Variants in SDK2 observed in about 807,000 individuals in gnomAD.
SDK2 encodes protein sidekick-2.
A neutral mutation model predicts 253.9 loss-of-function variants in SDK2; 105 were observed. That is an observed-to-expected ratio of 0.41 (90% CI 0.35 to 0.49). The LOEUF is 0.49. SDK2 is among the 20% of genes least tolerant of loss of function. The pLI, the probability that SDK2 is intolerant of heterozygous loss-of-function variation, is 0.06. For missense variants in SDK2, 2,608 were observed against 3,003.0 expected (o/e 0.87, Z 3.07); for synonymous variants, 1,249 against 1,234.9 (o/e 1.01, Z -0.24).
chr17:73,363,085 C>A (rs1264090644), intron 38 of SDK2, among the ~76,000 whole-genome samples: 3 of 152,132 alleles, frequency 2.0e-5, no homozygotes, highest in Non-Finnish European at 2.9e-5. Flanking sequence ...AAGTGGATTA[C>A]TAATATTATC....
chr17:73,398,941 C>A (rs1409967698), intron 22 of SDK2, among the ~76,000 whole-genome samples: 1 of 152,186 alleles, frequency 6.6e-6, no homozygotes, highest in East Asian at 1.9e-4. Context: ...TCTAGGCACC[C>A]CCCGACCCAG....
intron 1 of SDK2, among the ~76,000 whole-genome samples, chr17:73,621,512 A>T (rs1027778500): frequency 6.6e-6 from 1 of 152,204 alleles, no homozygotes. Flanking sequence ...AGCTGCTAAT[A>T]TATTTCATGC....
At chr17:73,514,790 T>G (rs906710423) in intron 1 of SDK2, among the ~76,000 whole-genome samples, 5 of 152,120 alleles carry the variant, frequency 3.3e-5, no homozygotes, top group African/African-American at 1.2e-4. Flanking sequence ...GGAGCTGGGA[T>G]TTCTAGACTC....
intron 42 of SDK2, 135 bp downstream of exon 42, chr17:73,350,515 C>T: frequency 7.1e-7 from 1 of 1,404,732 alleles, no homozygotes; most frequent in Non-Finnish European, 9.6e-7. Flanking sequence ...TGTGTAGAAA[C>T]CCTAGGCTGC....
At position 73,415,914 on chromosome 17, in the gene SDK2, C is replaced by T; in HGVS notation, c.2265G>A (p.Glu755=). ...TDADVNNLLL[E]DLIIWTNYEI... is the part of the protein sequence containing the mutation. ...CGTAGTTGGTCCAAATGATGAGATCCTCCAGCAGCAGGTTGTTCACATCAG... is the reference window on the plus strand; with the variant it reads ...CGTAGTTGGTCCAAATGATGAGATCTTCCAGCAGCAGGTTGTTCACATCAG... The change falls in exon 17 of 45, where the codon GAG becomes GAA. Residue 755 remains glutamate (E), a synonymous_variant. Coordinates refer to ENST00000392650, the MANE Select transcript of SDK2 (RefSeq NM_001144952.2). 6.2e-7 allele frequency: 1 copy of T among 1,608,856 alleles called. No individual in the cohort carries two copies. The highest frequency in any genetic ancestry group is 8.5e-7 in the Non-Finnish European group (1 of 1,177,872).
In SDK2 at chr17:73,481,730, G is replaced by A. The variant is rs1042575000; in HGVS notation, c.225-9512C>T. On this transcript the variant is annotated intron_variant, in intron 2 of 44. Coordinates refer to ENST00000392650, the MANE Select transcript of SDK2 (RefSeq NM_001144952.2). The surrounding 1 kb of genome is among the most constrained non-coding windows in gnomAD (Gnocchi z 4.5). ...TGCCCATCTTCTCCTGCCCTTGGAC[G>A]CTGGGGCTCCTGGTTCCCGGCCTGC... Among the ~76,000 whole-genome samples the A allele has an allele frequency of 2.6e-5, 4 of 152,146 alleles. No individual in the cohort carries two copies. The highest frequency in any genetic ancestry group is 4.8e-5 in the African/African-American group (2 of 41,428).
chr17:73,544,049 T>G (rs1299194034), intron 1 of SDK2, among the ~76,000 whole-genome samples: 1 of 152,210 alleles, frequency 6.6e-6, no homozygotes, highest in Non-Finnish European at 1.5e-5. Context: ...ACAGCATGTT[T>G]GGGACACAGG....
chr17:73,377,511 A>C (rs1304175262), intron 36 of SDK2, among the ~76,000 whole-genome samples: 1 of 151,462 alleles, frequency 6.6e-6, no homozygotes, highest in Non-Finnish European at 1.5e-5. Flanking sequence ...AGGCCACCAC[A>C]CCTGGCCCAT....
Position 73,405,498 on chromosome 17 carries a change from ATATATATATAT to A in SDK2, c.2485-3368_2485-3358del, listed in dbSNP as rs1568385707. 3.3e-3 allele frequency among the ~76,000 whole-genome samples: 334 copies of A among 100,942 alleles called. 26 individuals carry two copies. Among genetic ancestry groups the A allele is most frequent in the Non-Finnish European group, 4.8e-3 (238 of 49,750 alleles). The allele number at this position is 100,942 out of a possible 152,430, so 66.2% of individuals were successfully genotyped here. A position where few individuals can be genotyped will look rare whatever the true frequency, so the allele number is the denominator to read the frequency against. On this transcript the variant is annotated intron_variant, in intron 18 of 44. Coordinates refer to ENST00000392650, the MANE Select transcript of SDK2 (RefSeq NM_001144952.2). ...TATATATATATATATATATATATAT[ATATATATATAT>A]ATATATATAAAGATCGAGAATGTGG...
intron 1 of SDK2, chr17:73,520,595 T>G (rs2064070795): frequency 6.6e-6 from 1 of 152,330 alleles, no homozygotes; most frequent in Non-Finnish European, 1.5e-5. Context: ...GGACTCTGCA[T>G]CAGCTGCTGA....
At chr17:73,387,362 T>C (rs1463599529) in intron 30 of SDK2, among the ~76,000 whole-genome samples, 23 of 152,164 alleles carry the variant, frequency 1.5e-4, no homozygotes, top group Admixed American at 1.5e-3. Context: ...CAAACGTCTC[T>C]CTTTTAGATT....
intron 16 of SDK2, among the ~76,000 whole-genome samples, chr17:73,417,249 A>C (rs1243790012): frequency 4.0e-5 from 6 of 150,896 alleles, no homozygotes; most frequent in Admixed American, 1.3e-4. Context: ...ACTAAAAAAA[A>C]AAAAAAATTA....
chr17:73,366,405 C>T (rs2062685871), intron 37 of SDK2, among the ~76,000 whole-genome samples: 1 of 152,130 alleles, frequency 6.6e-6, no homozygotes, highest in Non-Finnish European at 1.5e-5. Context: ...ACCGTCAGAC[C>T]CTGGGGGTAG....
intron 44 of SDK2, 121 bp downstream of exon 44, chr17:73,348,478 G>A (rs2062504206): frequency 2.4e-6 from 3 of 1,248,950 alleles, no homozygotes; most frequent in Non-Finnish European, 2.2e-6. Context: ...GTGGTTTCTT[G>A]GGCCCCTTAA....
rs1422254558 is a variant in SDK2, at chr17:73,334,635, G to C, written c.*3952C>G. The C allele has an allele frequency of 6.6e-6, 1 of 152,056 alleles. No individual in the cohort carries two copies. Among genetic ancestry groups the C allele is most frequent in the African/African-American group, 2.4e-5 (1 of 41,378 alleles). 9.4% of individuals were successfully genotyped at this position (152,056 alleles called of 1,614,324 possible). A position where few individuals can be genotyped will look rare whatever the true frequency, so the allele number is the denominator to read the frequency against. ...AGATTTGTGTTGATTTTTGTTTCTGGAGTCTAGATGGATGGAGAAAGGTAA... is the reference window on the plus strand; with the variant it reads ...AGATTTGTGTTGATTTTTGTTTCTGCAGTCTAGATGGATGGAGAAAGGTAA... On this transcript the variant is annotated 3_prime_UTR_variant, in exon 45 of 45. Coordinates refer to ENST00000392650, the MANE Select transcript of SDK2 (RefSeq NM_001144952.2).
At chr17:73,627,836 T>C (rs1567881395) in intron 1 of SDK2, among the ~76,000 whole-genome samples, 1 of 151,928 alleles carries the variant, frequency 6.6e-6, no homozygotes, top group Non-Finnish European at 1.5e-5. Flanking sequence ...GATCACGAGA[T>C]CAGGAGTTCG....
intron 2 of SDK2, among the ~76,000 whole-genome samples, chr17:73,484,763 C>A (rs892920642): frequency 6.6e-6 from 1 of 152,216 alleles, no homozygotes; most frequent in East Asian, 1.9e-4. Context: ...CCACATCACT[C>A]CAATCTCTGC....
chr17:73,586,448 CT>C (rs1204396456), intron 1 of SDK2, among the ~76,000 whole-genome samples: 1 of 152,144 alleles, frequency 6.6e-6, no homozygotes, highest in African/African-American at 2.4e-5. Flanking sequence ...TAAAAGCAGC[CT>C]CTCCCTTCGC....
intron 1 of SDK2, among the ~76,000 whole-genome samples, chr17:73,574,338 AATTG>A (rs2045427912): frequency 6.6e-6 from 1 of 152,230 alleles, no homozygotes; most frequent in African/African-American, 2.4e-5. Flanking sequence ...ATTGTTGATT[AATTG>A]ATCAGTTCCC....
Sources: allele counts gnomAD v4.1 joint callset (sites outside exome capture counted in the v4.1 genomes callset), GRCh38; gene constraint gnomAD v4.1.1; non-coding constraint Gnocchi (gnomAD v3.1); transcripts MANE v1.5; gene names NCBI Gene and HGNC (gene_info 2026-07-23, HGNC 2026-07-21).